SBK1: variants seen among roughly 807,000 people sequenced by gnomAD.
The protein encoded by SBK1 is serine/threonine-protein kinase SBK1.
In SBK1, 11 loss-of-function variants were observed where a neutral mutation model predicts 24.4. The observed-to-expected ratio is 0.45, with a 90% confidence interval of 0.28 to 0.75. The LOEUF is 0.75. Ranked by LOEUF, SBK1 falls within the 30% of genes least tolerant of loss-of-function variation. The pLI is 0.12. For synonymous variants in SBK1, 308 were observed against 284.4 expected (o/e 1.08, Z -0.83); for missense variants, 467 against 620.5 (o/e 0.75, Z 2.63).
rs761168932 is a variant in SBK1, at chr16:28,319,106, T to C, written c.338T>C (p.Val113Ala). The change falls in exon 3 of 4, where the codon GTC (valine) becomes GCC (alanine). Residue 113 changes from valine (V) to alanine (A), a missense_variant. By Grantham distance (64) the Val-to-Ala change is moderately conservative. This residue lies in a region of SBK1 where 123 missense variants were observed against 158.2 expected (regional missense o/e 0.78). Transcript: ENST00000341901. The surrounding 1 kb of genome is among the most constrained non-coding windows in gnomAD (Gnocchi z 4.0). Reference sequence around the variant, plus strand: ...TCCTCCAGCCCCTTCATCATCAAGGTCTTTGACGTGGTCTTTGAGACAGAG... The same window carrying C: ...TCCTCCAGCCCCTTCATCATCAAGGCCTTTGACGTGGTCTTTGAGACAGAG... ...SLSSSPFIIK[V>A]FDVVFETEDC... is the part of the protein sequence containing the mutation. 1.9e-6 allele frequency: 3 copies of C among 1,613,906 alleles called. No individual in the cohort carries two copies. In the Admixed American group the frequency reaches 5.0e-5, roughly 27 times the overall value.
chr16:28,302,964 G>GC (rs1555537947), intron 1 of SBK1, among the ~76,000 whole-genome samples: 2 of 123,710 alleles, frequency 1.6e-5, no homozygotes, highest in Admixed American at 7.4e-5. Flanking sequence ...CAGGGCATGG[G>GC]GGGGGGTCAG....
Position 28,315,634 on chromosome 16 carries a change from G to A in SBK1, c.-7-1751G>A, listed in dbSNP as rs114765325. On this transcript the variant is annotated intron_variant, in intron 1 of 3. Coordinates refer to ENST00000341901, the MANE Select transcript of SBK1 (RefSeq NM_001024401.3). ...ACATCAGCCAGATGTGGTGGCGCAT[G>A]CTTGCAGTCCCAGCTACTCAGGAGG... is the stretch of plus-strand genomic sequence containing the variant. Among the ~76,000 whole-genome samples, 580 of 152,284 alleles carry A rather than the reference G, an allele frequency of 3.8e-3. 1 individual carries two copies. The highest frequency in any genetic ancestry group is 8.2e-3 in the African/African-American group (342 of 41,582).
At chr16:28,277,356 A>G (rs957128417) in intron 1 of SBK1, among the ~76,000 whole-genome samples, 15 of 151,952 alleles carry the variant, frequency 9.9e-5, no homozygotes, top group African/African-American at 3.6e-4. Context: ...GAGAGAGAAA[A>G]AAAAAAGACA....
upstream of SBK1, chr16:28,292,463 AGCCGGAGGGCGGAGCCGCGG>A (rs1400817408): frequency 4.5e-5 from 40 of 885,026 alleles, no homozygotes; most frequent in African/African-American, 6.0e-4. Flanking sequence ...GCGGCGCGCG[AGCCGGAGGGCGGAGCCGCGG>A]GCCGGGCGGG....
Position 28,295,522 on chromosome 16 carries a change from T to G in SBK1, c.-8+2222T>G, listed in dbSNP as rs185144425. 3.3e-5 allele frequency among the ~76,000 whole-genome samples: 5 copies of G among 152,250 alleles called. No homozygotes were observed. In the East Asian group the frequency reaches 9.6e-4, roughly 29 times the overall value. On this transcript the variant is annotated intron_variant, in intron 1 of 3. Coordinates refer to ENST00000341901, the MANE Select transcript of SBK1 (RefSeq NM_001024401.3). ...TGTGTCTACATGTGCAGTGAGAGTT[T>G]GTCTCCACATCTAGACTCAGCTCCA...
Position 28,322,695 on chromosome 16 carries a change from A to C in SBK1, c.*1774A>C, listed in dbSNP as rs2044860024. 1 of 152,742 alleles carries C rather than the reference A, an allele frequency of 6.5e-6. No individual in the cohort carries two copies. The highest frequency in any genetic ancestry group is 2.4e-5 in the African/African-American group (1 of 41,380). The allele number at this position is 152,742 out of a possible 1,614,324, so 9.5% of individuals were successfully genotyped here. On this transcript the variant is annotated 3_prime_UTR_variant, in exon 4 of 4. Transcript: ENST00000341901. ...TCCCCAGTGGGTATGGGCCCTCCAC[A>C]TGCCAGGTAAGTAGCAAACCCCCAC... is the stretch of plus-strand genomic sequence containing the variant.
At chr16:28,268,033 G>C (rs1343017174) in intron 1 of SBK1, among the ~76,000 whole-genome samples, 1 of 152,144 alleles carries the variant, frequency 6.6e-6, no homozygotes, top group Non-Finnish European at 1.5e-5. Context: ...TGTAGTCCCA[G>C]CTACTTGGGG....
chr16:28,294,242 G>A (rs1048262801), intron 1 of SBK1, among the ~76,000 whole-genome samples: 1 of 152,132 alleles, frequency 6.6e-6, no homozygotes, highest in African/African-American at 2.4e-5. Context: ...GACCCTAGGG[G>A]ACATTGTACC....
intron 1 of SBK1, among the ~76,000 whole-genome samples, chr16:28,263,941 A>C (rs146667224): frequency 6.6e-6 from 1 of 152,102 alleles, no homozygotes; most frequent in East Asian, 1.9e-4. Flanking sequence ...CCTGGGCAAC[A>C]TAATGAGATC....
chr16:28,301,201 C>T (rs1443294739), intron 1 of SBK1, among the ~76,000 whole-genome samples: 1 of 152,220 alleles, frequency 6.6e-6, no homozygotes, highest in Non-Finnish European at 1.5e-5. Flanking sequence ...CAGCTTATCC[C>T]ACACCCCTGG....
At chr16:28,314,378 C>T (rs1450551929) in intron 1 of SBK1, among the ~76,000 whole-genome samples, 2 of 145,846 alleles carry the variant, frequency 1.4e-5, no homozygotes, top group Non-Finnish European at 3.0e-5. Flanking sequence ...GCCGGTCTCA[C>T]ACTCCTGGCC....
At chr16:28,287,595 C>CA, upstream of SBK1, among the ~76,000 whole-genome samples, 1 of 152,280 alleles carries the variant, frequency 6.6e-6, no homozygotes, top group Non-Finnish European at 1.5e-5. Context: ...CCCTAGGCGT[C>CA]AGGGACAAAG....
intron 1 of SBK1, among the ~76,000 whole-genome samples, chr16:28,280,757 C>T (rs565113949): frequency 3.3e-5 from 5 of 152,216 alleles, no homozygotes; most frequent in South Asian, 4.1e-4. Context: ...CTCCGCCTCC[C>T]GGATTCAAGC....
chr16:28,260,424 C>T (rs149580066), intron 1 of SBK1, among the ~76,000 whole-genome samples: 1 of 152,328 alleles, frequency 6.6e-6, no homozygotes, highest in Non-Finnish European at 1.5e-5. Context: ...TCCAGCCCAG[C>T]CTGCCTGTGC....
At chr16:28,293,402 C>G (rs2044616280) in intron 1 of SBK1, 102 bp downstream of exon 1, 1 of 535,158 alleles carries the variant, frequency 1.9e-6, no homozygotes. Context: ...TCCCCCTTCC[C>G]CAGCGTCGCC....
intron 1 of SBK1, among the ~76,000 whole-genome samples, chr16:28,279,604 G>A (rs182832758): frequency 5.9e-5 from 9 of 152,236 alleles, no homozygotes; most frequent in Admixed American, 5.9e-4. Context: ...CATCATGGGA[G>A]CCGTGGTTAT....
intron 1 of SBK1, among the ~76,000 whole-genome samples, chr16:28,261,894 G>T (rs1033025381): frequency 2.0e-5 from 3 of 152,138 alleles, no homozygotes; most frequent in South Asian, 2.1e-4. Context: ...TGATTCTGGG[G>T]ACTCTCTGTA....
rs752360020 is a variant in SBK1 at position 28,292,727 on chromosome 16, C to A, written c.-581C>A. 2.8e-3 allele frequency: 2,708 copies of A among 984,486 alleles called. 5 individuals carry two copies. The highest frequency in any genetic ancestry group is 3.1e-3 in the Non-Finnish European group (2,531 of 829,228). The allele number at this position is 984,486 out of a possible 1,614,324, so 61.0% of individuals were successfully genotyped here. A position where few individuals can be genotyped will look rare whatever the true frequency, so the allele number is the denominator to read the frequency against. On this transcript the variant is annotated 5_prime_UTR_variant, in exon 1 of 4. Transcript: ENST00000341901. ...CGCCGGTGGCCGGGACCCACTAAAG[C>A]CCCCGCAGCCGAGGAGTGCGGGGAG...
chr16:28,296,472 A>AG (rs2044641680), intron 1 of SBK1, among the ~76,000 whole-genome samples: 1 of 152,094 alleles, frequency 6.6e-6, no homozygotes, highest in Non-Finnish European at 1.5e-5. Flanking sequence ...ACCTGACCTC[A>AG]GGTGATCCAC....
Sources: allele counts gnomAD v4.1 joint callset (sites outside exome capture counted in the v4.1 genomes callset), GRCh38; gene constraint gnomAD v4.1.1; regional missense constraint gnomAD v4.1.1; non-coding constraint Gnocchi (gnomAD v3.1); transcripts MANE v1.5; gene names NCBI Gene and HGNC (gene_info 2026-07-23, HGNC 2026-07-21).